Variants in STK4 observed in about 807,000 individuals in gnomAD.
The protein encoded by STK4 is serine/threonine kinase 4.
Under a neutral mutation model 64.9 loss-of-function variants are expected in STK4, and 30 were observed. The ratio of observed to expected loss-of-function variants is 0.46; its 90% CI spans 0.35 to 0.63. STK4 has a LOEUF of 0.63. STK4 is among the 20% of genes least tolerant of loss of function. The probability of loss-of-function intolerance (pLI) is 0.01; values close to 1 mark genes in which losing one functional copy is unlikely to be tolerated. For synonymous variants in STK4, 177 were observed against 199.0 expected, an observed-to-expected ratio of 0.89 and a Z score of 0.93; for missense variants, 466 against 598.5, an observed-to-expected ratio of 0.78 and a Z score of 2.31.
intron 10 of STK4, among the ~76,000 whole-genome samples, chr20:45,049,226 C>T (rs1355978152): frequency 6.6e-6 from 1 of 152,074 alleles, no homozygotes; most frequent in Admixed American, 6.5e-5. Context: ...CTTTATAGAC[C>T]CACTAGTCAC....
chr20:45,042,746 G>T (rs2068633053), intron 10 of STK4, among the ~76,000 whole-genome samples: 1 of 145,162 alleles, frequency 6.9e-6, no homozygotes, highest in East Asian at 1.9e-4. Context: ...GTAATTTATT[G>T]TACTGCTACT....
In STK4 at chr20:44,987,349, A is replaced by T. The variant is rs1401467110; in HGVS notation, c.525+53A>T. The T allele has an allele frequency of 2.6e-6, 4 of 1,513,722 alleles. No individual in the cohort carries two copies. In the African/African-American group the frequency reaches 5.7e-5, roughly 21 times the overall value. 93.8% of individuals were successfully genotyped at this position (1,513,722 alleles called of 1,614,324 possible). ...AATTTTCATTTCTGTCCTGAGAAGC[A>T]GTTCCTTTTATTTACCTATTTTTAA... On this transcript the variant is annotated intron_variant, in intron 5 of 10. Coordinates refer to ENST00000372806, the MANE Select transcript of STK4 (RefSeq NM_006282.5).
chr20:44,995,605 C>CAAAAAA (rs60140206), intron 6 of STK4, among the ~76,000 whole-genome samples: 8 of 54,544 alleles, frequency 1.5e-4, no homozygotes, highest in Admixed American at 2.4e-4. Context: ...GACTCCATCT[C>CAAAAAA]AAAAAAAAAA....
intron 9 of STK4, among the ~76,000 whole-genome samples, chr20:45,006,389 T>G (rs1417774149): frequency 6.6e-6 from 1 of 152,004 alleles, no homozygotes. Context: ...TGCATACGAC[T>G]GCTCCGGGCT....
At chr20:44,990,733 C>T (rs1326049497) in intron 5 of STK4, among the ~76,000 whole-genome samples, 4 of 152,104 alleles carry the variant, frequency 2.6e-5, no homozygotes, top group Non-Finnish European at 5.9e-5. Context: ...GAGTACACCT[C>T]CAGTCTAATG....
intron 10 of STK4, among the ~76,000 whole-genome samples, chr20:45,033,554 C>T (rs941025464): frequency 4.0e-5 from 6 of 151,694 alleles, no homozygotes; most frequent in South Asian, 2.1e-4. Context: ...TGCTTGTGTT[C>T]GTCAACTTTG....
chr20:45,043,692 A>T (rs1336539553), intron 10 of STK4, among the ~76,000 whole-genome samples: 1 of 152,202 alleles, frequency 6.6e-6, no homozygotes, highest in Non-Finnish European at 1.5e-5. Flanking sequence ...AGCATTTCAA[A>T]TTTCATATTT....
In STK4 at chr20:45,000,385, C is replaced by G. The variant is rs1190426082; in HGVS notation, c.832-7C>G. ...TGTCTCCAGTATTTTCTACTTTGTT[C>G]TTTTAGCACCCATTTGTCAGGAGTG... On this transcript the variant is annotated splice_region_variant and splice_polypyrimidine_tract_variant and intron_variant, in intron 7 of 10. Transcript: ENST00000372806. 1 of 1,612,532 alleles carries G rather than the reference C, an allele frequency of 6.2e-7. No homozygotes were observed. The highest frequency in any genetic ancestry group is 8.5e-7 in the Non-Finnish European group (1 of 1,179,236).
intron 1 of STK4, chr20:44,967,262 A>G: frequency 1.0e-6 from 1 of 979,020 alleles, no homozygotes; most frequent in Non-Finnish European, 1.2e-6. Flanking sequence ...TCAGAACCTG[A>G]CATTGGGAGG....
chr20:45,053,261 T>C, intron 10 of STK4: 1 of 1,200,508 alleles, frequency 8.3e-7, no homozygotes, highest in South Asian at 1.3e-5. Context: ...TGAGCTGGGT[T>C]TTTAACTCAG....
intron 10 of STK4, among the ~76,000 whole-genome samples, chr20:45,064,101 C>A (rs1308640916): frequency 6.7e-6 from 1 of 149,062 alleles, no homozygotes; most frequent in African/African-American, 2.5e-5. Context: ...AGCCACTGCG[C>A]CCGGCCAAGG....
At chr20:44,995,012 T>A in intron 5 of STK4, 78 bp from the exon 6 acceptor site, 2 of 1,233,690 alleles carry the variant, frequency 1.6e-6, no homozygotes, top group Non-Finnish European at 2.1e-6. Flanking sequence ...TTTTCTTCTT[T>A]TTTTCTCTGT....
chr20:45,030,377 T>C (rs933842747), intron 10 of STK4, among the ~76,000 whole-genome samples: 1 of 152,148 alleles, frequency 6.6e-6, no homozygotes, highest in Non-Finnish European at 1.5e-5. Flanking sequence ...GTGCTGGGAG[T>C]ACAGGCGTGA....
At chr20:45,064,277 A>C (rs1271919030) in intron 10 of STK4, among the ~76,000 whole-genome samples, 1 of 151,640 alleles carries the variant, frequency 6.6e-6, no homozygotes, top group Non-Finnish European at 1.5e-5. Context: ...TGTCCCACTG[A>C]TCTGTATGTC....
At chr20:45,063,584 C>T (rs1353551794) in intron 10 of STK4, among the ~76,000 whole-genome samples, 1 of 152,160 alleles carries the variant, frequency 6.6e-6, no homozygotes, top group Non-Finnish European at 1.5e-5. Context: ...TGTGCAGAAG[C>T]TCTTTAGTTT....
intron 1 of STK4, among the ~76,000 whole-genome samples, chr20:44,970,125 T>C (rs899969751): frequency 6.6e-6 from 1 of 152,098 alleles, no homozygotes; most frequent in African/African-American, 2.4e-5. Flanking sequence ...AGCCGTCATA[T>C]GCTAAATGAC....
chr20:44,994,933 A>G (rs1291485022), intron 5 of STK4, among the ~76,000 whole-genome samples, 157 bp from the exon 6 acceptor site: 4 of 148,282 alleles, frequency 2.7e-5, no homozygotes, highest in Non-Finnish European at 6.0e-5. Context: ...TATGGTTTTT[A>G]TATGTATTTC....
chr20:44,995,509 G>A (rs1298818337), intron 6 of STK4, among the ~76,000 whole-genome samples: 1 of 150,620 alleles, frequency 6.6e-6, no homozygotes, highest in Admixed American at 6.6e-5. Flanking sequence ...GGGAGACTGA[G>A]GCATGAGAAT....
chr20:45,078,757 A>G lies in STK4; in HGVS notation c.*3581A>G, dbSNP rs375774094. On this transcript the variant is annotated 3_prime_UTR_variant, in exon 11 of 11. Coordinates refer to ENST00000372806, the MANE Select transcript of STK4 (RefSeq NM_006282.5). ...AGAATTGTAGCCTTGACTCCTTGAG[A>G]CTGTAGATTTCGATCCAGGAAACAT... is the stretch of plus-strand genomic sequence containing the variant. 7 of 152,208 alleles carry G rather than the reference A, an allele frequency of 4.6e-5. No homozygotes were observed. The East Asian group carries it at 1.4e-3, about 29-fold the overall frequency. The allele number at this position is 152,208 out of a possible 1,614,324, so 9.4% of individuals were successfully genotyped here. A position where few individuals can be genotyped will look rare whatever the true frequency, so the allele number is the denominator to read the frequency against.
Sources: gnomAD v4.1 joint callset for allele counts (sites outside exome capture counted in the v4.1 genomes callset) on GRCh38, gnomAD v4.1.1 for gene constraint, MANE v1.5 for transcripts, NCBI Gene and HGNC (gene_info 2026-07-23, HGNC 2026-07-21) for gene names.